Variants in CCSER1 observed in about 807,000 individuals in gnomAD.
CCSER1 encodes the protein serine-rich coiled-coil domain-containing protein 1.
CCSER1 carries 41 observed loss-of-function variants against 82.0 expected under a neutral mutation model. That is an observed-to-expected ratio of 0.50 (90% CI 0.39 to 0.65). The LOEUF (loss-of-function observed/expected upper bound fraction) is 0.65. Ranked by LOEUF, CCSER1 falls within the 30% of genes least tolerant of loss-of-function variation. The pLI, the probability that CCSER1 is intolerant of heterozygous loss-of-function variation, is 0.00. For missense variants in CCSER1, 1,119 were observed against 1,064.2 expected (o/e 1.05, Z -0.72); for synonymous variants, 414 against 383.9 (o/e 1.08, Z -0.92).
At chr4:91,413,871 G>A (rs1355873719) in intron 10 of CCSER1, among the ~76,000 whole-genome samples, 1 of 152,060 alleles carries the variant, frequency 6.6e-6, no homozygotes, top group Non-Finnish European at 1.5e-5. Context: ...TACAAGCCAG[G>A]AGAGAGTGGG....
chr4:91,445,578 G>A (rs150721319), intron 10 of CCSER1, among the ~76,000 whole-genome samples: 3 of 151,774 alleles, frequency 2.0e-5, no homozygotes, highest in Admixed American at 6.6e-5. Context: ...TGATGTATTC[G>A]TTATCATTCT....
chr4:90,797,409 A>G (rs1271433898), intron 7 of CCSER1, among the ~76,000 whole-genome samples: 3 of 152,126 alleles, frequency 2.0e-5, no homozygotes, highest in Admixed American at 6.5e-5. Context: ...CAGCATACCA[A>G]TGGGTCTTCT....
At chr4:90,668,148 C>T (rs957622330) in intron 6 of CCSER1, among the ~76,000 whole-genome samples, 31 of 152,226 alleles carry the variant, frequency 2.0e-4, no homozygotes, top group African/African-American at 7.2e-4. Flanking sequence ...CAGCCATAAT[C>T]TTCTAGAAGC....
chr4:90,493,973 T>G (rs1461279602), intron 5 of CCSER1, among the ~76,000 whole-genome samples: 1 of 152,098 alleles, frequency 6.6e-6, no homozygotes, highest in Admixed American at 6.6e-5. Context: ...AGACTGGCAA[T>G]TGGATAAAGA....
At chr4:91,543,316 T>A (rs1019837864) in intron 10 of CCSER1, among the ~76,000 whole-genome samples, 7 of 152,202 alleles carry the variant, frequency 4.6e-5, no homozygotes, top group African/African-American at 1.7e-4. Context: ...AGGTTAATAT[T>A]GTTATGTGTG....
intron 1 of CCSER1, among the ~76,000 whole-genome samples, chr4:90,170,826 A>G (rs934377948): frequency 6.6e-6 from 1 of 151,804 alleles, no homozygotes; most frequent in African/African-American, 2.4e-5. Flanking sequence ...TGCAATAAAC[A>G]TGGGAGTGCA....
Position 91,374,644 on chromosome 4 carries a change from T to G in CCSER1, c.2218-223928T>G, listed in dbSNP as rs188472007. Among the ~76,000 whole-genome samples the G allele has an allele frequency of 1.7e-4, 26 of 152,330 alleles. No homozygotes were observed. The East Asian group carries it at 5.0e-3, about 29-fold the overall frequency. ...TGTTTTTATGCCTGCTAACACAACA[T>G]TCATTCTGCAACTCATGGATCAAGG... is the stretch of plus-strand genomic sequence containing the variant. On this transcript the variant is annotated intron_variant, in intron 10 of 10. Transcript: ENST00000509176.
intron 10 of CCSER1, among the ~76,000 whole-genome samples, chr4:91,305,402 AT>A (rs901193920): frequency 2.6e-5 from 4 of 151,954 alleles, no homozygotes; most frequent in South Asian, 2.1e-4. Flanking sequence ...AGGTGCAGAA[AT>A]TTTTTTTATA....
intron 1 of CCSER1, among the ~76,000 whole-genome samples, chr4:90,251,867 C>A (rs972680434): frequency 2.0e-5 from 3 of 151,572 alleles, no homozygotes; most frequent in Non-Finnish European, 3.0e-5. Context: ...TAATTTGAGT[C>A]TTTTCTCATT....
At chr4:90,748,138 A>C (rs1747849094) in intron 7 of CCSER1, among the ~76,000 whole-genome samples, 3 of 140,870 alleles carry the variant, frequency 2.1e-5, no homozygotes, top group Non-Finnish European at 4.6e-5. Flanking sequence ...TGCACCCACT[A>C]ACTCGTCATC....
At chr4:90,475,222 C>T (rs2153593315) in intron 5 of CCSER1, among the ~76,000 whole-genome samples, 1 of 152,286 alleles carries the variant, frequency 6.6e-6, no homozygotes, top group South Asian at 2.1e-4. Flanking sequence ...CACTTCGTGC[C>T]TTCAAATTCT....
chr4:90,757,877 A>G (rs1431693583), intron 7 of CCSER1, among the ~76,000 whole-genome samples: 6 of 152,104 alleles, frequency 3.9e-5, no homozygotes, highest in Non-Finnish European at 5.9e-5. Flanking sequence ...AAAGTAGGCA[A>G]AGCTCAAAGT....
chr4:90,948,607 A>C (rs1732541091), intron 9 of CCSER1, among the ~76,000 whole-genome samples: 1 of 151,998 alleles, frequency 6.6e-6, no homozygotes. Context: ...ATCAATTCTC[A>C]CTGTTTGGCA....
At chr4:90,383,802 G>A (rs1297469510) in intron 3 of CCSER1, among the ~76,000 whole-genome samples, 1 of 151,796 alleles carries the variant, frequency 6.6e-6, no homozygotes, top group African/African-American at 2.4e-5. Flanking sequence ...CACAATAATA[G>A]GTCTTTGTAA....
chr4:90,845,007 C>T (rs1409773087), intron 8 of CCSER1, among the ~76,000 whole-genome samples: 1 of 152,128 alleles, frequency 6.6e-6, no homozygotes, highest in Non-Finnish European at 1.5e-5. Context: ...TGAAAACTAA[C>T]TATAAGCTGG....
intron 10 of CCSER1, among the ~76,000 whole-genome samples, chr4:91,280,792 C>T (rs1031759030): frequency 1.3e-5 from 2 of 152,154 alleles, no homozygotes; most frequent in Admixed American, 6.5e-5. Flanking sequence ...TGGGCTCTGA[C>T]AGCAGCCAGC....
At chr4:90,818,017 G>A (rs1759242961) in intron 8 of CCSER1, among the ~76,000 whole-genome samples, 1 of 152,044 alleles carries the variant, frequency 6.6e-6, no homozygotes, top group Non-Finnish European at 1.5e-5. Context: ...AACTGATTCA[G>A]TTTTCTATTC....
intron 10 of CCSER1, among the ~76,000 whole-genome samples, chr4:91,464,436 C>G (rs527676587): frequency 6.6e-6 from 1 of 152,172 alleles, no homozygotes; most frequent in Admixed American, 6.5e-5. Context: ...TAAGAAGAAA[C>G]TGCATCAACT....
intron 5 of CCSER1, among the ~76,000 whole-genome samples, chr4:90,624,950 G>A (rs1281831518): frequency 6.6e-6 from 1 of 152,166 alleles, no homozygotes; most frequent in Admixed American, 6.5e-5. Flanking sequence ...TTTGTTTGGA[G>A]TAGTTATGGT....
Sources: gnomAD v4.1 joint callset for allele counts (sites outside exome capture counted in the v4.1 genomes callset) on GRCh38, gnomAD v4.1.1 for gene constraint, MANE v1.5 for transcripts, NCBI Gene and HGNC (gene_info 2026-07-23, HGNC 2026-07-21) for gene names.